Variants in GAREM2 observed in about 807,000 individuals in gnomAD.
The protein encoded by GAREM2 is GRB2-associated and regulator of MAPK protein 2.
Under a neutral mutation model 55.6 loss-of-function variants are expected in GAREM2, and 30 were observed. That is an observed-to-expected ratio of 0.54 (90% CI 0.40 to 0.73). The LOEUF is 0.73. Ranked by LOEUF, GAREM2 falls within the 30% of genes least tolerant of loss-of-function variation. GAREM2 has a pLI of 0.00. For missense variants in GAREM2, 1,075 were observed against 1,257.7 expected, an observed-to-expected ratio of 0.85 and a Z score of 2.20; for synonymous variants, 550 against 569.1, an observed-to-expected ratio of 0.97 and a Z score of 0.48.
chr2:26,182,219 G>T, intron 2 of GAREM2: 4 of 1,385,056 alleles, frequency 2.9e-6, no homozygotes, highest in South Asian at 1.7e-5. Flanking sequence ...CGTAAAGTCT[G>T]TGTCTCCTAG....
In GAREM2 at chr2:26,184,833, G is replaced by A. The variant is rs1373295915; in HGVS notation, c.985G>A (p.Gly329Ser). Residue 329 changes from glycine to serine, a missense_variant, in exon 4 of 6, where the codon GGC (glycine) becomes AGC (serine). Around this residue, in one of 6 missense-constraint regions of GAREM2, gnomAD observed 170 missense variants for 220.7 expected, o/e 0.77. Coordinates refer to ENST00000401533, the MANE Select transcript of GAREM2 (RefSeq NM_001168241.2). ...CACGCCGCGCTTCGCGCTGCCGCAG[G>A]GCCTGCTGGCCGGGGACCCGCGCGT... ...TDTPRFALPQ[G>S]LLAGDPRVER... The A allele has an allele frequency of 6.7e-7, 1 of 1,481,600 alleles. No homozygotes were observed. Among genetic ancestry groups the A allele is most frequent in the Non-Finnish European group, 8.9e-7 (1 of 1,124,714 alleles). The allele number at this position is 1,481,600 out of a possible 1,614,324, so 91.8% of individuals were successfully genotyped here.
rs1288477474 is a variant in GAREM2 at position 26,187,458 on chromosome 2, A to G, written c.1826A>G (p.His609Arg). 2 of 1,548,140 alleles carry G rather than the reference A, an allele frequency of 1.3e-6. No homozygotes were observed. Among genetic ancestry groups the G allele is most frequent in the Non-Finnish European group, 1.7e-6 (2 of 1,145,344 alleles). The change falls in exon 6 of 6, where the codon CAC (histidine) becomes CGC (arginine). Residue 609 changes from histidine (H) to arginine (R), a missense_variant. Physicochemically the swap from His to Arg is conservative, Grantham distance 29 (BLOSUM62 0). This residue lies in a region of GAREM2 where 515 missense variants were observed against 501.5 expected (regional missense o/e 1.03). Coordinates refer to ENST00000401533, the MANE Select transcript of GAREM2 (RefSeq NM_001168241.2). ...GCTGACACCCCTGTTAAGACCTACCACAGCTGCCCTCCTCTATTCAAGCCC... is the reference window on the plus strand; with the variant it reads ...GCTGACACCCCTGTTAAGACCTACCGCAGCTGCCCTCCTCTATTCAAGCCC... ...LGADTPVKTYHSCPPLFKPSH... is the reference protein window; with the variant it reads ...LGADTPVKTYRSCPPLFKPSH...
In GAREM2 at chr2:26,176,495, C is replaced by G. The variant is rs1386184539; in HGVS notation, c.253+11C>G. 3 of 1,528,722 alleles carry G rather than the reference C, an allele frequency of 2.0e-6. No homozygotes were observed. Among genetic ancestry groups the G allele is most frequent in the African/African-American group, 2.8e-5 (2 of 72,478 alleles). 94.7% of individuals were successfully genotyped at this position (1,528,722 alleles called of 1,614,324 possible). On this transcript the variant is annotated intron_variant, in intron 2 of 5. Coordinates refer to ENST00000401533, the MANE Select transcript of GAREM2 (RefSeq NM_001168241.2). ...CCCTGCAGTACCCAGGTGTGTCCAG[C>G]CAGGACAGATGTCATAAAGCCTGTA...
chr2:26,196,601 C>G, the GAREM2 span, among the ~76,000 whole-genome samples: 125,311 of 151,534 alleles, frequency 0.83, 52,263 homozygotes, highest in African/African-American at 0.95. Context: ...GTATCCCTTG[C>G]TCCCGGGCAA....
intron 2 of GAREM2, chr2:26,182,424 C>T: frequency 6.5e-7 from 1 of 1,550,160 alleles, no homozygotes; most frequent in Non-Finnish European, 8.7e-7. Context: ...CTGGGCCAGG[C>T]CCTGGTTGGC....
chr2:26,188,109 A>T lies in GAREM2; in HGVS notation c.2477A>T (p.Asp826Val). 1.3e-6 allele frequency: 2 copies of T among 1,551,212 alleles called. No homozygotes were observed. The highest frequency in any genetic ancestry group is 1.2e-5 in the South Asian group (1 of 83,918). Reference protein sequence around the residue: ...RSLRFIGLSEDVVSFFARERI... With the variant: ...RSLRFIGLSEVVVSFFARERI... Reference sequence around the variant, plus strand: ...CTGCGTTTCATCGGGCTCTCAGAGGATGTGGTGAGCTTCTTTGCCCGAGAA... The same window carrying T: ...CTGCGTTTCATCGGGCTCTCAGAGGTTGTGGTGAGCTTCTTTGCCCGAGAA... Residue 826 changes from aspartate to valine, a missense_variant, in exon 6 of 6, where the codon GAT becomes GTT. This residue lies in a region of GAREM2 where 142 missense variants were observed against 172.3 expected (regional missense o/e 0.82). Transcript: ENST00000401533.
downstream of GAREM2, chr2:26,193,517 A>G: frequency 1.5e-6 from 2 of 1,374,158 alleles, no homozygotes; most frequent in Non-Finnish European, 2.1e-6. Flanking sequence ...CTTTGGTCTC[A>G]GGAACTGCTT....
At chr2:26,199,809 A>G in the GAREM2 span, among the ~76,000 whole-genome samples, 2 of 152,134 alleles carry the variant, frequency 1.3e-5, no homozygotes, top group Non-Finnish European at 2.9e-5. Context: ...CCACGCTACA[A>G]AGAAGTTGTG....
At chr2:26,195,152 G>A in the GAREM2 span, 1 of 1,612,106 alleles carries the variant, frequency 6.2e-7, no homozygotes, top group South Asian at 1.1e-5. Flanking sequence ...AAGCACTGGT[G>A]TCTTTGGAAG....
chr2:26,186,022 G>C (rs1669240905), intron 4 of GAREM2, among the ~76,000 whole-genome samples, 167 bp from the exon 5 acceptor site: 1 of 152,204 alleles, frequency 6.6e-6, no homozygotes, highest in African/African-American at 2.4e-5. Flanking sequence ...TAGGAAGGGT[G>C]GGGTGGCTGG....
At chr2:26,173,359 CG>C in intron 1 of GAREM2, 27 bp downstream of exon 1, 1 of 1,248,382 alleles carries the variant, frequency 8.0e-7, no homozygotes, top group Non-Finnish European at 1.0e-6. Flanking sequence ...AGATGGGGAC[CG>C]GGGTCCGCGG....
intron 2 of GAREM2, 46 bp downstream of exon 2, chr2:26,176,530 A>T (rs1386994263): frequency 1.4e-6 from 2 of 1,440,758 alleles, no homozygotes; most frequent in Non-Finnish European, 1.8e-6. Context: ...AGGGGGGTGT[A>T]GGCAGGAGGG....
At position 26,184,943 on chromosome 2, in the gene GAREM2, A is replaced by G. The variant is rs766594145; in HGVS notation, c.1095A>G (p.Pro365=). 1.2e-5 allele frequency: 15 copies of G among 1,287,058 alleles called. No individual in the cohort carries two copies. In the Admixed American group the frequency reaches 1.3e-4, roughly 11 times the overall value. The allele number at this position is 1,287,058 out of a possible 1,614,324, so 79.7% of individuals were successfully genotyped here. Residue 365 remains proline, a synonymous_variant, in exon 4 of 6, where the codon CCA becomes CCG. Transcript: ENST00000401533. ...DEYSTAVREA[P]AELAEDCASP... ...ACTCCACGGCCGTGCGCGAGGCGCC[A>G]GCGGAGCTCGCCGAAGACTGCGCCA...
chr2:26,184,979 C>T lies in GAREM2; in HGVS notation c.1131C>T (p.Arg377=), dbSNP rs1669187123. Residue 377 remains arginine, a synonymous_variant, in exon 4 of 6, where the codon CGC becomes CGT. Coordinates refer to ENST00000401533, the MANE Select transcript of GAREM2 (RefSeq NM_001168241.2). ...CCGAAGACTGCGCCAGCCCGCGCCG[C>T]GCGCGCCTCTGCCTGCCCGCGCCGC... ...ELAEDCASPR[R]ARLCLPAPRA... The T allele has an allele frequency of 8.4e-7, 1 of 1,189,050 alleles. No individual in the cohort carries two copies. The highest frequency in any genetic ancestry group is 1.0e-6 in the Non-Finnish European group (1 of 961,502). The allele number at this position is 1,189,050 out of a possible 1,614,324, so 73.7% of individuals were successfully genotyped here. A position where few individuals can be genotyped will look rare whatever the true frequency, so the allele number is the denominator to read the frequency against.
the GAREM2 span, among the ~76,000 whole-genome samples, chr2:26,202,079 G>A: frequency 1.3e-5 from 2 of 152,032 alleles, no homozygotes; most frequent in East Asian, 1.9e-4. Context: ...GATTATAGGC[G>A]TGAGCCACCG....
At chr2:26,197,541 C>G in the GAREM2 span, 3 of 685,040 alleles carry the variant, frequency 4.4e-6, no homozygotes, top group Non-Finnish European at 8.1e-6. Flanking sequence ...TCACACTAGT[C>G]ATGGTATTAG....
At chr2:26,182,735 G>C (rs575662985) in intron 2 of GAREM2, among the ~76,000 whole-genome samples, 2 of 152,294 alleles carry the variant, frequency 1.3e-5, no homozygotes, top group African/African-American at 2.4e-5. Flanking sequence ...GCTCTCTATG[G>C]GGGGAGGGCT....
At chr2:26,200,467 C>T in the GAREM2 span, among the ~76,000 whole-genome samples, 1 of 152,218 alleles carries the variant, frequency 6.6e-6, no homozygotes, top group Non-Finnish European at 1.5e-5. Flanking sequence ...AGCATTTCCA[C>T]AGAACAAGCA....
In GAREM2 at chr2:26,182,989, G is replaced by C. The variant is rs1293600654; in HGVS notation, c.276G>C (p.Gln92His). Reference sequence around the variant, plus strand: ...CAGGGAAGTTCAAGCTCCTGGAACAGGCCCGGGATGTGCGGGAGCCAGTGA... The same window carrying C: ...CAGGGAAGTTCAAGCTCCTGGAACACGCCCGGGATGTGCGGGAGCCAGTGA... ...QYPGKFKLLE[Q>H]ARDVREPVRY... The change falls in exon 3 of 6, where the codon CAG becomes CAC. Residue 92 changes from glutamine to histidine, a missense_variant. Physicochemically the swap from Gln to His is conservative, Grantham distance 24. Transcript: ENST00000401533. The C allele has an allele frequency of 2.6e-6, 4 of 1,551,612 alleles. No individual in the cohort carries two copies. The highest frequency in any genetic ancestry group is 3.5e-6 in the Non-Finnish European group (4 of 1,146,992).
Sources: allele counts gnomAD v4.1 joint callset (sites outside exome capture counted in the v4.1 genomes callset), GRCh38; gene constraint gnomAD v4.1.1; regional missense constraint gnomAD v4.1.1; transcripts MANE v1.5; gene names NCBI Gene and HGNC (gene_info 2026-07-23, HGNC 2026-07-21).